The following CENPC variants were observed in gnomAD, a reference collection of about 807,000 sequenced individuals.
CENPC encodes the protein centromere protein C, also known as CENP-C 1.
Under a neutral mutation model 112.1 loss-of-function variants are expected in CENPC, and 63 were observed. The observed-to-expected ratio is 0.56, with a 90% CI of 0.46 to 0.69. The LOEUF (loss-of-function observed/expected upper bound fraction) is 0.69, where lower values mean the gene tolerates loss of function less well. Ranked by LOEUF, CENPC falls within the 30% of genes least tolerant of loss-of-function variation. The pLI is 0.00. For missense variants in CENPC, 1,000 were observed against 1,103.8 expected, an observed-to-expected ratio of 0.91 and a Z score of 1.33; for synonymous variants, 333 against 367.6, an observed-to-expected ratio of 0.91 and a Z score of 1.08.
rs1238306190 is a variant in CENPC, at chr4:67,469,536, G to C, written c.*3069C>G. The C allele has an allele frequency of 6.6e-6, 1 of 152,250 alleles. No homozygotes were observed. Among genetic ancestry groups the C allele is most frequent in the Non-Finnish European group, 1.5e-5 (1 of 68,182 alleles). The allele number at this position is 152,250 out of a possible 1,614,324, so 9.4% of individuals were successfully genotyped here. A position where few individuals can be genotyped will look rare whatever the true frequency, so the allele number is the denominator to read the frequency against. ...AACTTTTGTATTTTAGTAGAGACGG[G>C]GTTTCACCATGTTAGCCAGGCTGGT... On this transcript the variant is annotated 3_prime_UTR_variant, in exon 19 of 19. Coordinates refer to ENST00000273853, the MANE Select transcript of CENPC (RefSeq NM_001812.4).
chr4:67,495,018 T>C, intron 13 of CENPC, 141 bp downstream of exon 13: 1 of 821,110 alleles, frequency 1.2e-6, no homozygotes. Context: ...TCATAAAAAC[T>C]AAGTGCATAA....
In CENPC at chr4:67,474,929, G is replaced by A; in HGVS notation, c.2720C>T (p.Pro907Leu). The part of the protein sequence containing the change: ...GDLLCTLHET[P>L]YILSTGDSFY... ...CGAATCCCCAGTACTTAATATATAA[G>A]GTGTTTCATGTAAAGTACACAAAAG... The change falls in exon 18 of 19, where the codon CCT becomes CTT. Residue 907 changes from proline to leucine, a missense_variant. Physicochemically the swap from Pro to Leu is moderately conservative, Grantham distance 98. Coordinates refer to ENST00000273853, the MANE Select transcript of CENPC (RefSeq NM_001812.4). 2 of 1,582,370 alleles carry A rather than the reference G, an allele frequency of 1.3e-6. No homozygotes were observed. The highest frequency in any genetic ancestry group is 1.3e-5 in the African/African-American group (1 of 74,250).
At chr4:67,544,326 A>G in intron 1 of CENPC, 131 bp from the exon 2 acceptor site, 2 of 608,222 alleles carry the variant, frequency 3.3e-6, no homozygotes, top group Non-Finnish European at 6.0e-6. Context: ...AACAATTTTG[A>G]GGTTATGTTA....
intron 18 of CENPC, among the ~76,000 whole-genome samples, chr4:67,473,888 G>A (rs974223356): frequency 2.0e-5 from 3 of 152,134 alleles, no homozygotes; most frequent in African/African-American, 7.2e-5. Context: ...GTGAATGAAT[G>A]ACAAGTGGAT....
rs1489774183 is a variant in CENPC, at chr4:67,470,084, C to T, written c.*2521G>A. 6.6e-6 allele frequency: 1 copy of T among 152,138 alleles called. No individual in the cohort carries two copies. Among genetic ancestry groups the T allele is most frequent in the Non-Finnish European group, 1.5e-5 (1 of 68,030 alleles). 9.4% of individuals were successfully genotyped at this position (152,138 alleles called of 1,614,324 possible). A position where few individuals can be genotyped will look rare whatever the true frequency, so the allele number is the denominator to read the frequency against. On this transcript the variant is annotated 3_prime_UTR_variant, in exon 19 of 19. Coordinates refer to ENST00000273853, the MANE Select transcript of CENPC (RefSeq NM_001812.4). ...TACAACTTGTGACTACTGTATCAGC[C>T]ATTATAGCCCTAGAAGTTGGCTGAA...
intron 1 of CENPC, among the ~76,000 whole-genome samples, chr4:67,544,695 G>A (rs1726978831): frequency 6.6e-6 from 1 of 152,114 alleles, no homozygotes; most frequent in African/African-American, 2.4e-5. Context: ...AACAAAATGA[G>A]TTGTCGCCCC....
At chr4:67,542,277 T>G (rs935231755) in intron 2 of CENPC, among the ~76,000 whole-genome samples, 2 of 152,202 alleles carry the variant, frequency 1.3e-5, no homozygotes, top group African/African-American at 4.8e-5. Flanking sequence ...CAAAGAGGCA[T>G]GGCTGTGTTC....
Position 67,508,838 on chromosome 4 carries a change from T to C in CENPC, c.1880A>G (p.Lys627Arg). 1 of 1,613,356 alleles carries C rather than the reference T, an allele frequency of 6.2e-7. No individual in the cohort carries two copies. The change falls in exon 10 of 19, where the codon AAG becomes AGG. Residue 627 changes from lysine (K) to arginine (R), a missense_variant. By Grantham distance (26) the Lys-to-Arg change is conservative (BLOSUM62 2). Coordinates refer to ENST00000273853, the MANE Select transcript of CENPC (RefSeq NM_001812.4). ...PLESDEADLA[K>R]KKNLDCSRST... ...CCTAGAACAATCAAGATTTTTCTTC[T>C]TAGCCAAGTCTGCCTCATCACTTTC...
Position 67,514,878 on chromosome 4 carries a change from G to A in CENPC, c.831-191C>T, listed in dbSNP as rs147856998. ...TGTCTGTTCACCCTTATTTATAATA[G>A]TAATGACATCACAAAAATTTAGAGC... On this transcript the variant is annotated intron_variant, in intron 7 of 18. Transcript: ENST00000273853. Among the ~76,000 whole-genome samples the A allele has an allele frequency of 5.5e-3, 829 of 151,494 alleles. 9 individuals carry two copies. The highest frequency in any genetic ancestry group is 0.019 in the African/African-American group (799 of 41,276).
chr4:67,469,631 C>T lies in CENPC; in HGVS notation c.*2974G>A, dbSNP rs562589647. ...GTGTTGGGATTACAGGCATGAGCCA[C>T]CATGCCCGGGTAGAAGTCTCTTTCT... On this transcript the variant is annotated 3_prime_UTR_variant, in exon 19 of 19. Transcript: ENST00000273853. 3 of 152,418 alleles carry T rather than the reference C, an allele frequency of 2.0e-5. No individual in the cohort carries two copies. Among genetic ancestry groups the T allele is most frequent in the Admixed American group, 2.0e-4 (3 of 15,310 alleles). 9.4% of individuals were successfully genotyped at this position (152,418 alleles called of 1,614,324 possible).
rs371920238 is a variant in CENPC, at chr4:67,535,797, T to C, written c.231+4043A>G. ...ACAAATAAAGTCTAAACTTCCATAG[T>C]AGAAAGCCAATAAATAATAGCAAAG... On this transcript the variant is annotated intron_variant, in intron 4 of 18. Coordinates refer to ENST00000273853, the MANE Select transcript of CENPC (RefSeq NM_001812.4). Among the ~76,000 whole-genome samples the C allele has an allele frequency of 2.6e-5, 4 of 152,142 alleles. 1 individual carries two copies. The highest frequency in any genetic ancestry group is 7.2e-5 in the African/African-American group (3 of 41,524).
chr4:67,506,297 T>C (rs1331705814), intron 11 of CENPC, among the ~76,000 whole-genome samples: 1 of 152,166 alleles, frequency 6.6e-6, no homozygotes, highest in Non-Finnish European at 1.5e-5. Context: ...TAGTGTGGAC[T>C]CAATAAGTTG....
At chr4:67,478,669 C>CG (rs1724873835) in intron 17 of CENPC, among the ~76,000 whole-genome samples, 1 of 145,738 alleles carries the variant, frequency 6.9e-6, no homozygotes, top group East Asian at 2.0e-4. Flanking sequence ...CACACACACC[C>CG]AAAGTATTCA....
rs1280578629 is a variant in CENPC at position 67,545,445 on chromosome 4, G to A, written c.-90C>T. ...GAAGCCGAGCAAGAAACGAATCGCCGGAATACCAGGCCGCGGCCAAGCAAT... is the reference window on the plus strand; with the variant it reads ...GAAGCCGAGCAAGAAACGAATCGCCAGAATACCAGGCCGCGGCCAAGCAAT... On this transcript the variant is annotated 5_prime_UTR_variant, in exon 1 of 19. Transcript: ENST00000273853. The A allele has an allele frequency of 1.5e-6, 2 of 1,341,950 alleles. No homozygotes were observed. The highest frequency in any genetic ancestry group is 2.8e-5 in the Admixed American group (1 of 35,846). The allele number at this position is 1,341,950 out of a possible 1,614,324, so 83.1% of individuals were successfully genotyped here.
intron 13 of CENPC, 97 bp downstream of exon 13, chr4:67,495,062 G>T: frequency 2.6e-6 from 3 of 1,144,894 alleles, no homozygotes; most frequent in Non-Finnish European, 3.5e-6. Flanking sequence ...CCACATAATC[G>T]TATTTCTCCT....
intron 5 of CENPC, among the ~76,000 whole-genome samples, chr4:67,530,023 T>A (rs969007898): frequency 6.6e-6 from 1 of 152,052 alleles, no homozygotes; most frequent in African/African-American, 2.4e-5. Context: ...ACTGACCAAC[T>A]GGAAGAAAAC....
rs983540841 is a variant in CENPC at position 67,516,295 on chromosome 4, C to T, written c.831-1608G>A. Reference sequence around the variant, plus strand: ...TACATTTCCCTGATTGTTTTAATAGCTTTAAGCACACCACATATTGCAGTG... The same window carrying T: ...TACATTTCCCTGATTGTTTTAATAGTTTTAAGCACACCACATATTGCAGTG... On this transcript the variant is annotated intron_variant, in intron 7 of 18. Coordinates refer to ENST00000273853, the MANE Select transcript of CENPC (RefSeq NM_001812.4). Among the ~76,000 whole-genome samples the T allele has an allele frequency of 7.2e-5, 11 of 151,994 alleles. 1 individual carries two copies. The highest frequency in any genetic ancestry group is 2.2e-4 in the African/African-American group (9 of 41,316).
chr4:67,536,623 T>G (rs1726726000), intron 4 of CENPC, among the ~76,000 whole-genome samples: 2 of 151,920 alleles, frequency 1.3e-5, no homozygotes, highest in Admixed American at 1.3e-4. Flanking sequence ...ATTCCTTATG[T>G]GGAAGGCCTA....
At chr4:67,495,716 G>A (rs374333401) in intron 12 of CENPC, among the ~76,000 whole-genome samples, 12 of 152,114 alleles carry the variant, frequency 7.9e-5, no homozygotes, top group African/African-American at 2.7e-4. Flanking sequence ...AGCCACTTGT[G>A]GATAAAAATG....
Sources: allele counts gnomAD v4.1 joint callset (sites outside exome capture counted in the v4.1 genomes callset), GRCh38; gene constraint gnomAD v4.1.1; transcripts MANE v1.5; gene names NCBI Gene and HGNC (gene_info 2026-07-23, HGNC 2026-07-21).